The following UGT1A10 variants were observed in gnomAD, a reference collection of about 807,000 sequenced individuals.
UGT1A10 encodes UDP glucuronosyltransferase family 1 member A10.
A neutral mutation model predicts 45.8 loss-of-function variants in UGT1A10; 49 were observed. That is an observed-to-expected ratio of 1.07 (90% CI 0.85 to 1.36). The LOEUF (loss-of-function observed/expected upper bound fraction) is 1.36, where lower values mean the gene tolerates loss of function less well. Ranked by LOEUF, UGT1A10 falls within the 40% of genes most tolerant of loss-of-function variation. UGT1A10 has a pLI of 0.00. For missense variants in UGT1A10, 745 were observed against 668.6 expected (o/e 1.11, Z -1.26); for synonymous variants, 284 against 249.7 (o/e 1.14, Z -1.29).
chr2:233,680,102 C>A (rs929199534), intron 1 of UGT1A10, among the ~76,000 whole-genome samples: 1 of 152,016 alleles, frequency 6.6e-6, no homozygotes. Context: ...GCAATCATAG[C>A]GGCAGAGCTC....
At position 233,767,872 on chromosome 2, in the gene UGT1A10, C is replaced by G. The variant is rs997427896; in HGVS notation, c.1011C>G (p.Thr337=). The G allele has an allele frequency of 2.5e-6, 4 of 1,614,024 alleles. No homozygotes were observed. The highest frequency in any genetic ancestry group is 3.4e-6 in the Non-Finnish European group (4 of 1,180,044). ...PQTVLWRYTG[T]RPSNLANNTI... is the part of the protein sequence containing the mutation. The stretch of plus-strand genomic sequence containing the variant: ...AGGTCCTGTGGCGGTACACTGGAAC[C>G]CGACCATCGAATCTTGCGAACAACA... Residue 337 remains threonine (T), a synonymous_variant, in exon 3 of 5, where the codon ACC becomes ACG. Coordinates refer to ENST00000344644, the MANE Select transcript of UGT1A10 (RefSeq NM_019075.4).
rs767732319 is a variant in UGT1A10, at chr2:233,772,468, T to A, written c.1502T>A (p.Phe501Tyr). ...FLLAVVLTVA[F>Y]ITFKCCAYGY... Reference sequence around the variant, plus strand: ...TTGGCCGTCGTGCTGACAGTGGCCTTCATCACCTTTAAATGTTGTGCTTAT... The same window carrying A: ...TTGGCCGTCGTGCTGACAGTGGCCTACATCACCTTTAAATGTTGTGCTTAT... The change falls in exon 5 of 5, where the codon TTC (phenylalanine) becomes TAC (tyrosine). Residue 501 changes from phenylalanine (F) to tyrosine (Y), a missense_variant. Physicochemically the swap from Phe to Tyr is conservative, Grantham distance 22. Transcript: ENST00000344644. The A allele has an allele frequency of 3.7e-6, 6 of 1,614,162 alleles. No homozygotes were observed. In the South Asian group the frequency reaches 6.6e-5, roughly 18 times the overall value.
chr2:233,713,340 A>G, intron 1 of UGT1A10: 1 of 1,614,260 alleles, frequency 6.2e-7, no homozygotes, highest in Non-Finnish European at 8.5e-7. Context: ...AATGGCAATT[A>G]TGAACAATAT....
intron 4 of UGT1A10, among the ~76,000 whole-genome samples, chr2:233,771,773 T>C (rs1700376889): frequency 6.6e-6 from 1 of 152,072 alleles, no homozygotes; most frequent in Non-Finnish European, 1.5e-5. Context: ...CGTCCCTCTC[T>C]CCTTTCCTCT....
At chr2:233,730,412 A>G (rs2078028510) in intron 1 of UGT1A10, among the ~76,000 whole-genome samples, 1 of 152,204 alleles carries the variant, frequency 6.6e-6, no homozygotes, top group Non-Finnish European at 1.5e-5. Flanking sequence ...AATTGTTGAC[A>G]TGATAATTTT....
chr2:233,663,103 C>G (rs1219018723), intron 1 of UGT1A10, among the ~76,000 whole-genome samples: 2 of 152,142 alleles, frequency 1.3e-5, no homozygotes, highest in African/African-American at 4.8e-5. Context: ...TCTTCCCAAA[C>G]TGAAGCTTGG....
chr2:233,721,292 C>T (rs1038685514), intron 1 of UGT1A10, among the ~76,000 whole-genome samples: 4 of 152,066 alleles, frequency 2.6e-5, no homozygotes, highest in African/African-American at 9.7e-5. Context: ...ATTAGGAAGG[C>T]ATTTGAATAG....
intron 2 of UGT1A10, among the ~76,000 whole-genome samples, chr2:233,767,645 G>A (rs193254313): frequency 6.6e-5 from 10 of 152,224 alleles, no homozygotes; most frequent in South Asian, 2.1e-4. Context: ...ACAAATTCAC[G>A]TAGTGCATAC....
chr2:233,769,790 G>A lies in UGT1A10; in HGVS notation c.1295+1351G>A. On this transcript the variant is annotated intron_variant, in intron 4 of 4. Transcript: ENST00000344644. The surrounding 1 kb of genome is among the most constrained non-coding windows in gnomAD (Gnocchi z 4.4). ...GGATTGCTTGAGCCCAGAAGTTGGA[G>A]GCTGCTATGAGCCGTGATCATGCCA... is the stretch of plus-strand genomic sequence containing the variant. 7.7e-7 allele frequency: 1 copy of A among 1,301,106 alleles called. No individual in the cohort carries two copies. Among genetic ancestry groups the A allele is most frequent in the Non-Finnish European group, 1.0e-6 (1 of 985,722 alleles). The allele number at this position is 1,301,106 out of a possible 1,614,324, so 80.6% of individuals were successfully genotyped here. A position where few individuals can be genotyped will look rare whatever the true frequency, so the allele number is the denominator to read the frequency against.
At chr2:233,713,891 C>G in intron 1 of UGT1A10, 4 of 1,613,316 alleles carry the variant, frequency 2.5e-6, no homozygotes, top group African/African-American at 2.7e-5. Context: ...AATCAATGTT[C>G]CAGGCAAAAC....
In UGT1A10 at chr2:233,667,116, G is replaced by T. The variant is rs566336039; in HGVS notation, c.855+29739G>T. On this transcript the variant is annotated intron_variant, in intron 1 of 4. Coordinates refer to ENST00000344644, the MANE Select transcript of UGT1A10 (RefSeq NM_019075.4). The stretch of plus-strand genomic sequence containing the variant: ...ATAGTGCTGCAATAAACATACGTGT[G>T]CATGTGTCTTTATAGCAGCATGTTT... Among the ~76,000 whole-genome samples, 10 of 152,278 alleles carry T rather than the reference G, an allele frequency of 6.6e-5. No individual in the cohort carries two copies. In the East Asian group the frequency reaches 1.9e-3, roughly 29 times the overall value.
At chr2:233,663,967 G>T (rs1454427942) in intron 1 of UGT1A10, among the ~76,000 whole-genome samples, 1 of 152,104 alleles carries the variant, frequency 6.6e-6, no homozygotes, top group African/African-American at 2.4e-5. Flanking sequence ...TCTAAGTGTA[G>T]GTAGTTACAA....
chr2:233,751,725 C>G (rs1174648123), intron 1 of UGT1A10, among the ~76,000 whole-genome samples: 1 of 152,184 alleles, frequency 6.6e-6, no homozygotes, highest in African/African-American at 2.4e-5. Context: ...CAAGTGAACT[C>G]TTCCTCTCTG....
chr2:233,728,156 C>T (rs2077686156), intron 1 of UGT1A10, among the ~76,000 whole-genome samples: 1 of 152,250 alleles, frequency 6.6e-6, no homozygotes, highest in Non-Finnish European at 1.5e-5. Context: ...GCAGCCCATT[C>T]TGTTCTGGAG....
At chr2:233,745,324 G>C (rs1405359203) in intron 1 of UGT1A10, among the ~76,000 whole-genome samples, 1 of 151,812 alleles carries the variant, frequency 6.6e-6, no homozygotes, top group African/African-American at 2.4e-5. Flanking sequence ...CACTAGAACT[G>C]CTATATCATG....
intron 1 of UGT1A10, among the ~76,000 whole-genome samples, chr2:233,720,213 A>G (rs1171832820): frequency 6.6e-6 from 1 of 152,188 alleles, no homozygotes; most frequent in East Asian, 1.9e-4. Flanking sequence ...GGTGGGATGG[A>G]TGCATGTGAT....
chr2:233,711,861 T>C (rs1383080586), intron 1 of UGT1A10, among the ~76,000 whole-genome samples: 1 of 152,212 alleles, frequency 6.6e-6, no homozygotes, highest in Non-Finnish European at 1.5e-5. Flanking sequence ...AGCACAAGTA[T>C]GAGTGACTTT....
intron 1 of UGT1A10, among the ~76,000 whole-genome samples, chr2:233,700,136 T>A (rs2075545900): frequency 1.3e-5 from 2 of 152,152 alleles, no homozygotes; most frequent in Admixed American, 1.3e-4. Flanking sequence ...TCTGAGCTGT[T>A]TGTCTCCCTA....
At position 233,682,701 on chromosome 2, in the gene UGT1A10, C is replaced by G. The variant is rs543841942; in HGVS notation, c.855+45324C>G. On this transcript the variant is annotated intron_variant, in intron 1 of 4. Transcript: ENST00000344644. ...CACACATCAATTTGGTTGTTGCGAACTGACTTTGTTTTGGAGTATCCCAAA... is the reference window on the plus strand; with the variant it reads ...CACACATCAATTTGGTTGTTGCGAAGTGACTTTGTTTTGGAGTATCCCAAA... The G allele has an allele frequency of 2.5e-5, 41 of 1,613,884 alleles. 1 individual carries two copies. In the South Asian group the frequency reaches 4.2e-4, roughly 16 times the overall value.
Sources: allele counts gnomAD v4.1 joint callset (sites outside exome capture counted in the v4.1 genomes callset), GRCh38; gene constraint gnomAD v4.1.1; non-coding constraint Gnocchi (gnomAD v3.1); transcripts MANE v1.5; gene names NCBI Gene and HGNC (gene_info 2026-07-23, HGNC 2026-07-21).